Variants in EPB41L4A observed in about 807,000 individuals in gnomAD.
EPB41L4A encodes the protein band 4.1-like protein 4A.
In EPB41L4A, 100 loss-of-function variants were observed where a neutral mutation model predicts 108.6. That is an observed-to-expected ratio of 0.92 (90% confidence interval 0.78 to 1.09). EPB41L4A has a LOEUF of 1.09. Ranked by LOEUF, EPB41L4A falls within the 50% of genes least tolerant of loss-of-function variation. The pLI, the probability that EPB41L4A is intolerant of heterozygous loss-of-function variation, is 0.00. For missense variants in EPB41L4A, 1,030 were observed against 842.7 expected, an observed-to-expected ratio of 1.22 and a Z score of -2.75; for synonymous variants, 319 against 289.0, an observed-to-expected ratio of 1.10 and a Z score of -1.05.
chr5:112,224,665 A>T (rs1378482056), intron 12 of EPB41L4A, among the ~76,000 whole-genome samples: 1 of 152,058 alleles, frequency 6.6e-6, no homozygotes, highest in Non-Finnish European at 1.5e-5. Context: ...AAGCTCCCCT[A>T]CCACCCCACT....
chr5:112,242,001 C>T (rs1361108577), intron 9 of EPB41L4A, among the ~76,000 whole-genome samples: 2 of 152,100 alleles, frequency 1.3e-5, no homozygotes, highest in Non-Finnish European at 2.9e-5. Flanking sequence ...TCATCTGAGC[C>T]TTCAGGAAGT....
chr5:112,227,963 T>C (rs762051976), intron 12 of EPB41L4A, among the ~76,000 whole-genome samples: 12 of 152,202 alleles, frequency 7.9e-5, no homozygotes, highest in Non-Finnish European at 1.5e-4. Context: ...TCCCCTGGAG[T>C]TGGCCCACTG....
downstream of EPB41L4A, chr5:112,161,591 G>C (rs768010587): frequency 3.9e-6 from 2 of 519,140 alleles, no homozygotes; most frequent in South Asian, 2.8e-5. Context: ...TGATACCTTT[G>C]GTGTAGGAGC....
At chr5:112,158,409 G>A (rs1264436075), downstream of EPB41L4A, 1 of 435,242 alleles carries the variant, frequency 2.3e-6, no homozygotes, top group East Asian at 7.3e-5. Flanking sequence ...ACCTTTAAAT[G>A]AGGAAACTCA....
intron 12 of EPB41L4A, among the ~76,000 whole-genome samples, chr5:112,233,256 G>C (rs1580488291): frequency 6.6e-6 from 1 of 152,146 alleles, no homozygotes; most frequent in East Asian, 1.9e-4. Context: ...TCAGGAAACT[G>C]ACAAATTATA....
intron 9 of EPB41L4A, among the ~76,000 whole-genome samples, chr5:112,245,444 T>A (rs1411578068): frequency 6.6e-6 from 1 of 152,214 alleles, no homozygotes; most frequent in Non-Finnish European, 1.5e-5. Flanking sequence ...TGAATGATGC[T>A]GCCCAACTTA....
At chr5:112,249,037 T>C (rs1402735411) in intron 9 of EPB41L4A, 1 of 152,158 alleles carries the variant, frequency 6.6e-6, no homozygotes, top group Non-Finnish European at 1.5e-5. Flanking sequence ...ACATTAGAAG[T>C]AACCCAAGAT....
chr5:112,191,056 A>C (rs901021965), intron 17 of EPB41L4A, among the ~76,000 whole-genome samples: 9 of 152,332 alleles, frequency 5.9e-5, no homozygotes, highest in Admixed American at 5.2e-4. Flanking sequence ...TATTAAAAAA[A>C]ACTGTGCCTC....
intron 1 of EPB41L4A, among the ~76,000 whole-genome samples, chr5:112,417,911 T>C (rs1432791133): frequency 6.6e-6 from 1 of 152,174 alleles, no homozygotes; most frequent in African/African-American, 2.4e-5. Flanking sequence ...TGCATAAAAC[T>C]ATGTAAAAAC....
At chr5:112,262,918 G>C (rs550638126) in intron 6 of EPB41L4A, among the ~76,000 whole-genome samples, 3 of 152,184 alleles carry the variant, frequency 2.0e-5, no homozygotes, top group Non-Finnish European at 2.9e-5. Flanking sequence ...CCTTCACAAA[G>C]AGTAAAATGT....
intron 22 of EPB41L4A, among the ~76,000 whole-genome samples, chr5:112,167,622 C>G (rs1345603384): frequency 3.9e-5 from 6 of 152,158 alleles, no homozygotes; most frequent in African/African-American, 1.4e-4. Context: ...GTTCAACCCC[C>G]TTGTCCCAAA....
chr5:112,234,301 G>C (rs1749174312), intron 12 of EPB41L4A, among the ~76,000 whole-genome samples: 1 of 151,640 alleles, frequency 6.6e-6, no homozygotes, highest in South Asian at 2.1e-4. Context: ...AACATCACTT[G>C]GGCCCAGGAG....
chr5:112,405,653 C>T lies in EPB41L4A; in HGVS notation c.99+13288G>A, dbSNP rs1317867805. ...ATTTTAGATCTTGAAACAGAGCCAG[C>T]CACGAGGGTTTCAGATAAGGCACAG... is the stretch of plus-strand genomic sequence containing the variant. On this transcript the variant is annotated intron_variant, in intron 1 of 22. Transcript: ENST00000261486. Among the ~76,000 whole-genome samples the T allele has an allele frequency of 1.3e-5, 2 of 152,122 alleles. 1 individual carries two copies. The highest frequency in any genetic ancestry group is 3.9e-4 in the East Asian group (2 of 5,190).
At chr5:112,282,952 C>T (rs1046179513) in intron 2 of EPB41L4A, among the ~76,000 whole-genome samples, 2 of 151,700 alleles carry the variant, frequency 1.3e-5, no homozygotes, top group African/African-American at 4.8e-5. Flanking sequence ...GAATGCTTTT[C>T]AGTCACTAAA....
chr5:112,242,811 A>G (rs1749894449), intron 9 of EPB41L4A, among the ~76,000 whole-genome samples: 1 of 152,236 alleles, frequency 6.6e-6, no homozygotes, highest in South Asian at 2.1e-4. Flanking sequence ...CTCCTTGTAC[A>G]TCTCCATGAT....
Position 112,273,593 on chromosome 5 carries a change from A to G in EPB41L4A, c.335+1733T>C, listed in dbSNP as rs182078020. Among the ~76,000 whole-genome samples the G allele has an allele frequency of 3.7e-3, 561 of 152,338 alleles. 6 individuals carry two copies. The highest frequency in any genetic ancestry group is 0.013 in the African/African-American group (536 of 41,568). ...TCAAACATAGTACGAGACACGGACA[A>G]TCATAAGAGCTTTATATATATTATT... On this transcript the variant is annotated intron_variant, in intron 4 of 22. Transcript: ENST00000261486.
intron 9 of EPB41L4A, among the ~76,000 whole-genome samples, chr5:112,244,301 C>G (rs1750035073): frequency 6.6e-6 from 1 of 152,156 alleles, no homozygotes; most frequent in Non-Finnish European, 1.5e-5. Context: ...CAGTTTGTGG[C>G]ACCCCAAATC....
At chr5:112,412,821 A>G (rs928016368) in intron 1 of EPB41L4A, among the ~76,000 whole-genome samples, 10 of 152,208 alleles carry the variant, frequency 6.6e-5, no homozygotes, top group African/African-American at 2.4e-4. Context: ...TTGATCTCTG[A>G]CTTGTCATGT....
intron 1 of EPB41L4A, among the ~76,000 whole-genome samples, chr5:112,379,235 G>GT (rs1760016106): frequency 6.6e-6 from 1 of 152,088 alleles, no homozygotes; most frequent in Non-Finnish European, 1.5e-5. Flanking sequence ...ATAACTGCAA[G>GT]TTTTTTAAAC....
Sources: gnomAD v4.1 joint callset for allele counts (sites outside exome capture counted in the v4.1 genomes callset) on GRCh38, gnomAD v4.1.1 for gene constraint, MANE v1.5 for transcripts, NCBI Gene and HGNC (gene_info 2026-07-23, HGNC 2026-07-21) for gene names.